Variants in ARHGAP20 observed in about 807,000 individuals in gnomAD.
The protein encoded by ARHGAP20 is Rho GTPase activating protein 20, also known as rho GTPase-activating protein 20.
In ARHGAP20, 34 loss-of-function variants were observed where a neutral mutation model predicts 73.7. That is an observed-to-expected ratio of 0.46 (90% CI 0.35 to 0.61). The LOEUF is 0.61. ARHGAP20 is among the 20% of genes least tolerant of loss of function. The probability of loss-of-function intolerance (pLI) is 0.00; values close to 1 mark genes in which losing one functional copy is unlikely to be tolerated. For missense variants in ARHGAP20, 1,314 were observed against 1,420.9 expected (o/e 0.92, Z 1.21); for synonymous variants, 523 against 518.2 (o/e 1.01, Z -0.13).
intron 2 of ARHGAP20, among the ~76,000 whole-genome samples, chr11:110,676,735 T>G (rs1360277200): frequency 6.6e-6 from 1 of 152,190 alleles, no homozygotes; most frequent in Non-Finnish European, 1.5e-5. Context: ...ATACATTAAT[T>G]TTATGATAAA....
chr11:110,684,728 C>T (rs1000306261), intron 2 of ARHGAP20, among the ~76,000 whole-genome samples: 10 of 152,042 alleles, frequency 6.6e-5, no homozygotes, highest in East Asian at 3.8e-4. Flanking sequence ...TGGAATACTA[C>T]GCAGACATAA....
At chr11:110,650,593 C>T (rs1353740807) in intron 2 of ARHGAP20, among the ~76,000 whole-genome samples, 1 of 152,062 alleles carries the variant, frequency 6.6e-6, no homozygotes, top group Non-Finnish European at 1.5e-5. Context: ...ACCTCTACAT[C>T]CACACCACTC....
intron 1 of ARHGAP20, among the ~76,000 whole-genome samples, chr11:110,705,387 T>C (rs536584759): frequency 5.9e-5 from 9 of 152,268 alleles, no homozygotes; most frequent in South Asian, 2.1e-4. Context: ...AATTGCTTCA[T>C]GACAATCTTC....
intron 2 of ARHGAP20, among the ~76,000 whole-genome samples, chr11:110,678,304 C>T (rs1591169421): frequency 2.0e-5 from 3 of 152,122 alleles, no homozygotes; most frequent in Admixed American, 6.5e-5. Context: ...GCTTCACATC[C>T]CTGTGGATAT....
Position 110,654,459 on chromosome 11 carries a change from TAA to T in ARHGAP20, c.189-23669_189-23668del, listed in dbSNP as rs563743274. ...CAAATGTCTTAATTTCTATTTTACT[TAA>T]AGTCTTTAAAATTTTAGTAATAATG... On this transcript the variant is annotated intron_variant, in intron 2 of 14. Coordinates refer to ENST00000683387, the MANE Select transcript of ARHGAP20 (RefSeq NM_001384657.1). Among the ~76,000 whole-genome samples the T allele has an allele frequency of 1.3e-3, 205 of 152,344 alleles. 2 individuals are homozygous for T. Among genetic ancestry groups the T allele is most frequent in the African/African-American group, 4.6e-3 (190 of 41,588 alleles).
At chr11:110,619,503 T>C (rs35434874) in intron 4 of ARHGAP20, among the ~76,000 whole-genome samples, 71 of 149,318 alleles carry the variant, frequency 4.8e-4, no homozygotes, top group South Asian at 1.1e-3. Flanking sequence ...AGAGTATATG[T>C]AGTGATAGGG....
chr11:110,692,175 T>C (rs552481631), intron 1 of ARHGAP20, among the ~76,000 whole-genome samples: 1 of 152,236 alleles, frequency 6.6e-6, no homozygotes, highest in African/African-American at 2.4e-5. Context: ...TCTAATATCC[T>C]TAGGCTAGTG....
chr11:110,580,294 A>T lies in ARHGAP20; in HGVS notation c.2652T>A (p.Tyr884Ter). 3 of 1,614,216 alleles carry T rather than the reference A, an allele frequency of 1.9e-6. No individual in the cohort carries two copies. The highest frequency in any genetic ancestry group is 2.5e-6 in the Non-Finnish European group (3 of 1,180,034). Residue 884 changes from tyrosine (Y) to a stop codon, truncating the protein, a stop_gained, in exon 15 of 15, where the codon TAT becomes TAA. Transcript: ENST00000683387. LOFTEE classifies it low-confidence loss of function (END_TRUNC). ...EAGLLHGEED[Y>*]LKRHKSLQME... ...TTTGCAAAGACTTATGCCGTTTGAG[A>T]TAATCCTCCTCTCCATGCAAGAGAC...
chr11:110,618,737 A>C (rs1337794597), intron 4 of ARHGAP20, among the ~76,000 whole-genome samples: 1 of 141,496 alleles, frequency 7.1e-6, no homozygotes, highest in Non-Finnish European at 1.5e-5. Context: ...GTATGCAGTG[A>C]TAGAGTATAT....
chr11:110,583,538 A>C lies in ARHGAP20; in HGVS notation c.1605+10T>G. 1.3e-6 allele frequency: 2 copies of C among 1,578,442 alleles called. No individual in the cohort carries two copies. Among genetic ancestry groups the C allele is most frequent in the Middle Eastern group, 1.7e-4 (1 of 5,930 alleles). On this transcript the variant is annotated intron_variant, in intron 13 of 14. Coordinates refer to ENST00000683387, the MANE Select transcript of ARHGAP20 (RefSeq NM_001384657.1). The stretch of plus-strand genomic sequence containing the variant: ...GTCTCCCAGGGCATAAAAATGAAAA[A>C]CTTCATTACCTTTTTTGTAAATTCG...
chr11:110,695,182 T>C (rs777734516), intron 1 of ARHGAP20, among the ~76,000 whole-genome samples: 2 of 151,576 alleles, frequency 1.3e-5, no homozygotes, highest in Non-Finnish European at 3.0e-5. Context: ...CCTCAGACCA[T>C]ATATAAAAAT....
At chr11:110,664,369 C>T (rs1016214008) in intron 2 of ARHGAP20, among the ~76,000 whole-genome samples, 5 of 152,056 alleles carry the variant, frequency 3.3e-5, no homozygotes, top group African/African-American at 7.2e-5. Flanking sequence ...TATACACATA[C>T]ACAAACACAC....
rs777260718 is a variant in ARHGAP20 at position 110,580,202 on chromosome 11, G to T, written c.2744C>A (p.Thr915Lys). ...TAAAACCTTCTCAGTGTTTTGGTTT[G>T]TGGCACTACTCTTGCCCACCTCAAT... ...MGIEVGKSSA[T>K]NQNTEKVLPP... Residue 915 changes from threonine (T) to lysine (K), a missense_variant, in exon 15 of 15, where the codon ACA becomes AAA. Physicochemically the swap from Thr to Lys is moderately conservative, Grantham distance 78. Coordinates refer to ENST00000683387, the MANE Select transcript of ARHGAP20 (RefSeq NM_001384657.1). The T allele has an allele frequency of 1.4e-5, 22 of 1,614,090 alleles. No homozygotes were observed. The highest frequency in any genetic ancestry group is 1.8e-5 in the Non-Finnish European group (21 of 1,180,052).
At chr11:110,663,572 T>C (rs1035369057) in intron 2 of ARHGAP20, among the ~76,000 whole-genome samples, 6 of 151,976 alleles carry the variant, frequency 3.9e-5, no homozygotes, top group Admixed American at 1.3e-4. Context: ...ATAGTATTAT[T>C]AAGGAAATTG....
intron 2 of ARHGAP20, among the ~76,000 whole-genome samples, chr11:110,638,292 C>G (rs575730229): frequency 5.1e-4 from 77 of 151,802 alleles, no homozygotes; most frequent in African/African-American, 1.8e-3. Context: ...GTCCCATCAC[C>G]AAGATATCTC....
chr11:110,629,562 C>T (rs1370710960), intron 3 of ARHGAP20, among the ~76,000 whole-genome samples: 6 of 152,084 alleles, frequency 3.9e-5, no homozygotes, highest in African/African-American at 7.2e-5. Flanking sequence ...ACCATATCCT[C>T]TCCAAAACTA....
intron 3 of ARHGAP20, among the ~76,000 whole-genome samples, chr11:110,626,663 C>A (rs1948749716): frequency 2.0e-5 from 3 of 152,032 alleles, no homozygotes; most frequent in Admixed American, 6.6e-5. Flanking sequence ...TATCACTATT[C>A]CTATAAAGCA....
At chr11:110,595,937 A>C (rs1395982660) in intron 9 of ARHGAP20, among the ~76,000 whole-genome samples, 1 of 152,134 alleles carries the variant, frequency 6.6e-6, no homozygotes, top group Admixed American at 6.5e-5. Flanking sequence ...TACTGGTACC[A>C]AAACAGAGAT....
chr11:110,643,959 TAGTTA>T (rs565336148), intron 2 of ARHGAP20, among the ~76,000 whole-genome samples: 38 of 152,256 alleles, frequency 2.5e-4, no homozygotes, highest in African/African-American at 8.7e-4. Context: ...AGACTTAAAA[TAGTTA>T]AGTTTTCATA....
Sources: allele counts gnomAD v4.1 joint callset (sites outside exome capture counted in the v4.1 genomes callset), GRCh38; gene constraint gnomAD v4.1.1; transcripts MANE v1.5; gene names NCBI Gene and HGNC (gene_info 2026-07-23, HGNC 2026-07-21).